Variants in ZNF664 observed in about 807,000 individuals in gnomAD.
ZNF664 encodes the protein zinc finger Organ of Corti 1.
Under a neutral mutation model 18.2 loss-of-function variants are expected in ZNF664, and 10 were observed. That is an observed-to-expected ratio of 0.55 (90% CI 0.34 to 0.93). The LOEUF is 0.93. Ranked by LOEUF, ZNF664 falls within the 40% of genes least tolerant of loss-of-function variation. The pLI, the probability that ZNF664 is intolerant of heterozygous loss-of-function variation, is 0.02. For synonymous variants in ZNF664, 119 were observed against 104.2 expected (o/e 1.14, Z -0.86); for missense variants, 193 against 319.0 (o/e 0.61, Z 3.01).
Position 124,004,191 on chromosome 12 carries a change from G to C in ZNF664, c.-660-7190G>C, listed in dbSNP as rs147853514. Among the ~76,000 whole-genome samples, 384 of 152,310 alleles carry C rather than the reference G, an allele frequency of 2.5e-3. 2 individuals carry two copies. The highest frequency in any genetic ancestry group is 4.3e-3 in the Non-Finnish European group (290 of 68,032). On this transcript the variant is annotated intron_variant, in intron 3 of 4. Transcript: ENST00000337815. ...ACAGTTTCTGGGGGTGATAGAGCTA[G>C]AGTGTGGCCATGGAAACAGTGATGA...
At chr12:123,991,875 T>C (rs1387369117) in intron 3 of ZNF664, among the ~76,000 whole-genome samples, 3 of 152,242 alleles carry the variant, frequency 2.0e-5, no homozygotes, top group South Asian at 2.1e-4. Flanking sequence ...CATCATTCCC[T>C]TGATAACTTT....
intron 2 of ZNF664, among the ~76,000 whole-genome samples, chr12:123,981,873 A>G (rs1367221748): frequency 6.6e-6 from 1 of 152,238 alleles, no homozygotes; most frequent in Non-Finnish European, 1.5e-5. Context: ...CTTGCAATAT[A>G]GTTGTACTTC....
Position 124,013,543 on chromosome 12 carries a change from A to G in ZNF664, c.*613A>G, listed in dbSNP as rs1957157645. 1.2e-5 allele frequency: 2 copies of G among 169,032 alleles called. No individual in the cohort carries two copies. Among genetic ancestry groups the G allele is most frequent in the Admixed American group, 1.3e-4 (2 of 15,670 alleles). 10.5% of individuals were successfully genotyped at this position (169,032 alleles called of 1,614,324 possible). On this transcript the variant is annotated 3_prime_UTR_variant, in exon 5 of 5. Transcript: ENST00000337815. ...TTTAGGTGACTCATAATTCCCATTCACTTAGCCTATCAGAAAAGTCATTGG... is the reference window on the plus strand; with the variant it reads ...TTTAGGTGACTCATAATTCCCATTCGCTTAGCCTATCAGAAAAGTCATTGG...
intron 3 of ZNF664, chr12:124,006,001 C>G (rs770237098): frequency 2.6e-5 from 4 of 152,422 alleles, no homozygotes; most frequent in Non-Finnish European, 4.4e-5. Context: ...CACTTGGCCT[C>G]CTGCTTAGTA....
In ZNF664 at chr12:123,981,848, A is replaced by G. The variant is rs2046806; in HGVS notation, c.-756-6195A>G. On this transcript the variant is annotated intron_variant, in intron 2 of 4. Coordinates refer to ENST00000337815, the MANE Select transcript of ZNF664 (RefSeq NM_152437.3). ...CTATGGTATTAAAATCAATATTTCT[A>G]CATGGTAAATTTTTCTTGCAATATA... Among the ~76,000 whole-genome samples, 831 of 152,378 alleles carry G rather than the reference A, an allele frequency of 5.5e-3. 4 individuals are homozygous for G. Among genetic ancestry groups the G allele is most frequent in the African/African-American group, 0.018 (767 of 41,592 alleles).
In ZNF664 at chr12:124,012,801, A is replaced by G. The variant is rs775901487; in HGVS notation, c.657A>G (p.Arg219=). The G allele has an allele frequency of 6.2e-7, 1 of 1,613,780 alleles. No individual in the cohort carries two copies. The highest frequency in any genetic ancestry group is 8.5e-7 in the Non-Finnish European group (1 of 1,179,762). Residue 219 remains arginine (R), a synonymous_variant, in exon 5 of 5, where the codon AGA becomes AGG. Coordinates refer to ENST00000337815, the MANE Select transcript of ZNF664 (RefSeq NM_152437.3). ...SQSSSLCIHQ[R]VHTGEKPFKC... is the part of the protein sequence containing the mutation. Reference sequence around the variant, plus strand: ...GTTCGAGCCTGTGCATCCACCAGAGAGTCCACACAGGAGAGAAACCTTTCA... The same window carrying G: ...GTTCGAGCCTGTGCATCCACCAGAGGGTCCACACAGGAGAGAAACCTTTCA...
At chr12:123,973,754 G>A in intron 1 of ZNF664, 132 bp from the exon 2 acceptor site, 1 of 1,222,774 alleles carries the variant, frequency 8.2e-7, no homozygotes. Flanking sequence ...TGCCGCCCTC[G>A]TCGCCCGTGG....
chr12:123,988,597 C>T (rs1956851808), intron 3 of ZNF664, among the ~76,000 whole-genome samples: 1 of 151,732 alleles, frequency 6.6e-6, no homozygotes, highest in African/African-American at 2.4e-5. Context: ...TTTTTTTCCC[C>T]AACGTCTGAA....
At chr12:123,980,920 T>G (rs1456309295) in intron 2 of ZNF664, among the ~76,000 whole-genome samples, 2 of 152,184 alleles carry the variant, frequency 1.3e-5, no homozygotes, top group African/African-American at 4.8e-5. Flanking sequence ...ACATGGCAAA[T>G]AGACATGAGC....
At chr12:123,992,895 T>C (rs1358378722) in intron 3 of ZNF664, among the ~76,000 whole-genome samples, 1 of 152,148 alleles carries the variant, frequency 6.6e-6, no homozygotes, top group African/African-American at 2.4e-5. Context: ...CTTGGGCTAC[T>C]CTGAGTGAAA....
At chr12:124,002,680 C>A (rs1277741803) in intron 3 of ZNF664, among the ~76,000 whole-genome samples, 1 of 151,942 alleles carries the variant, frequency 6.6e-6, no homozygotes, top group Non-Finnish European at 1.5e-5. Flanking sequence ...GACAATGCAT[C>A]TGGATGGATG....
chr12:123,976,031 TA>T (rs1160485150), intron 2 of ZNF664, among the ~76,000 whole-genome samples: 1 of 152,240 alleles, frequency 6.6e-6, no homozygotes, highest in Non-Finnish European at 1.5e-5. Flanking sequence ...GAGATACGAT[TA>T]GGGGCTTTTT....
At chr12:123,986,525 G>A (rs1272022516) in intron 2 of ZNF664, among the ~76,000 whole-genome samples, 2 of 152,156 alleles carry the variant, frequency 1.3e-5, no homozygotes, top group African/African-American at 4.8e-5. Context: ...GACCTCCGCA[G>A]TCATTTTGCG....
intron 2 of ZNF664, among the ~76,000 whole-genome samples, chr12:123,980,969 A>G (rs1261740865): frequency 6.6e-6 from 1 of 152,180 alleles, no homozygotes; most frequent in East Asian, 1.9e-4. Flanking sequence ...TAAATTTGGA[A>G]TTTACACTGA....
intron 3 of ZNF664, among the ~76,000 whole-genome samples, chr12:123,994,865 A>G (rs2138388791): frequency 6.6e-6 from 1 of 152,344 alleles, no homozygotes; most frequent in Non-Finnish European, 1.5e-5. Flanking sequence ...GTGCCTACCT[A>G]GATGAACATT....
At chr12:123,988,169 C>T in intron 3 of ZNF664, 31 bp downstream of exon 3, 1 of 1,231,054 alleles carries the variant, frequency 8.1e-7, no homozygotes, top group Non-Finnish European at 1.0e-6. Context: ...ACCATTTGTC[C>T]TAGATGGAGA....
chr12:123,989,261 A>AC (rs1271766227), intron 3 of ZNF664: 1 of 152,392 alleles, frequency 6.6e-6, no homozygotes, highest in Admixed American at 6.5e-5. Context: ...GGTCTTGACC[A>AC]CCTCTCTTCC....
chr12:123,993,598 C>T (rs1490821859), intron 3 of ZNF664, among the ~76,000 whole-genome samples: 1 of 152,102 alleles, frequency 6.6e-6, no homozygotes, highest in African/African-American at 2.4e-5. Context: ...TGCTGTGTTC[C>T]CATATACCTG....
At chr12:123,994,724 G>A (rs1021544910) in intron 3 of ZNF664, among the ~76,000 whole-genome samples, 2 of 152,162 alleles carry the variant, frequency 1.3e-5, no homozygotes, top group Non-Finnish European at 2.9e-5. Flanking sequence ...TAGTTGCAAC[G>A]TACAATCTGA....
Sources: gnomAD v4.1 joint callset for allele counts (sites outside exome capture counted in the v4.1 genomes callset) on GRCh38, gnomAD v4.1.1 for gene constraint, MANE v1.5 for transcripts, NCBI Gene and HGNC (gene_info 2026-07-23, HGNC 2026-07-21) for gene names.